C1QTNF3: variants seen among roughly 807,000 people sequenced by gnomAD.
C1QTNF3 encodes the protein C1q and TNF related 3, also known as complement C1q tumor necrosis factor-related protein 3.
A neutral mutation model predicts 32.6 loss-of-function variants in C1QTNF3; 26 were observed. That is an observed-to-expected ratio of 0.80 (90% CI 0.58 to 1.11). The LOEUF is 1.11. C1QTNF3 is among the 50% of genes least tolerant of loss of function. The pLI is 0.00. For missense variants in C1QTNF3, 362 were observed against 398.2 expected, an observed-to-expected ratio of 0.91 and a Z score of 0.77; for synonymous variants, 155 against 146.0, an observed-to-expected ratio of 1.06 and a Z score of -0.44.
In C1QTNF3 at chr5:34,043,095, G is replaced by A. The variant is rs772829497; in HGVS notation, c.31C>T (p.Leu11=). The A allele has an allele frequency of 1.2e-6, 2 of 1,613,472 alleles. No homozygotes were observed. The highest frequency in any genetic ancestry group is 8.5e-7 in the Non-Finnish European group (1 of 1,179,996). The part of the protein sequence containing the change: MLWRQLIYWQ[L]LALFFLPFCL... ...AAAGGGAGGAAAAACAAAGCCAGCA[G>A]TTGCCAATAGATGAGCTGCCTCCAA... Residue 11 remains leucine (L), a synonymous_variant, in exon 1 of 6, where the codon CTG becomes TTG. Coordinates refer to ENST00000382065, the MANE Select transcript of C1QTNF3 (RefSeq NM_181435.6).
At chr5:34,083,941 A>G in the C1QTNF3 span, among the ~76,000 whole-genome samples, 1 of 151,834 alleles carries the variant, frequency 6.6e-6, no homozygotes, top group Non-Finnish European at 1.5e-5. Context: ...AATACTTATA[A>G]ATCGGTTTCA....
the C1QTNF3 span, among the ~76,000 whole-genome samples, chr5:34,058,519 G>A: frequency 2.0e-5 from 3 of 152,198 alleles, no homozygotes; most frequent in African/African-American, 7.2e-5. Context: ...CCAGAGAAAT[G>A]TCATTCTCCT....
chr5:34,176,406 TA>T, the C1QTNF3 span, among the ~76,000 whole-genome samples: 86 of 94,372 alleles, frequency 9.1e-4, no homozygotes, highest in African/African-American at 1.8e-3. Flanking sequence ...CGTATAATAA[TA>T]AAAAAAAAAT....
At chr5:34,118,121 C>A in the C1QTNF3 span, among the ~76,000 whole-genome samples, 1 of 151,984 alleles carries the variant, frequency 6.6e-6, no homozygotes. Flanking sequence ...ACTCTGTTGC[C>A]CAGGCTGGAG....
chr5:34,135,104 G>A, the C1QTNF3 span, among the ~76,000 whole-genome samples: 1 of 152,228 alleles, frequency 6.6e-6, no homozygotes, highest in Non-Finnish European at 1.5e-5. Context: ...CAATAACCTA[G>A]TTTATTGAAC....
the C1QTNF3 span, among the ~76,000 whole-genome samples, chr5:34,240,102 C>T: frequency 6.6e-6 from 1 of 150,644 alleles, no homozygotes; most frequent in African/African-American, 2.4e-5. Context: ...AATGGGAACA[C>T]AAATTACCAA....
chr5:34,177,525 C>T, the C1QTNF3 span, among the ~76,000 whole-genome samples: 6 of 125,548 alleles, frequency 4.8e-5, no homozygotes, highest in African/African-American at 1.6e-4. Context: ...CTTGCTCTGT[C>T]GCCCAGGCTG....
intron 2 of C1QTNF3, 34 bp from the exon 3 acceptor site, chr5:34,033,492 C>CCAGTCACT: frequency 6.2e-7 from 1 of 1,613,762 alleles, no homozygotes; most frequent in Non-Finnish European, 8.5e-7. Context: ...ATGAGAAAAC[C>CCAGTCACT]CAGTCACTCA....
chr5:34,198,259 T>TAA, the C1QTNF3 span, among the ~76,000 whole-genome samples: 1 of 130,758 alleles, frequency 7.6e-6, no homozygotes, highest in African/African-American at 3.9e-5. Context: ...AATAAATAAA[T>TAA]AAATAAAAAT....
the C1QTNF3 span, among the ~76,000 whole-genome samples, chr5:34,136,527 T>C: frequency 2.0e-4 from 30 of 152,330 alleles, no homozygotes; most frequent in East Asian, 5.8e-3. Context: ...TGTGGAGAAA[T>C]AGGAACAATT....
At chr5:34,040,422 G>A (rs1173647459) in intron 1 of C1QTNF3, among the ~76,000 whole-genome samples, 1 of 152,056 alleles carries the variant, frequency 6.6e-6, no homozygotes, top group Non-Finnish European at 1.5e-5. Context: ...GAAAGAAGAG[G>A]AAGGGAAGTG....
the C1QTNF3 span, among the ~76,000 whole-genome samples, chr5:34,177,482 T>TA: frequency 7.5e-6 from 1 of 133,854 alleles, no homozygotes; most frequent in Non-Finnish European, 1.6e-5. Flanking sequence ...ATACCCAACT[T>TA]TTTTTTTTTT....
chr5:34,244,640 T>C, the C1QTNF3 span: 4 of 151,992 alleles, frequency 2.6e-5, no homozygotes, highest in East Asian at 1.9e-4. Flanking sequence ...AGCATGCTGA[T>C]TGGTGCATTT....
chr5:34,202,586 T>C, the C1QTNF3 span, among the ~76,000 whole-genome samples: 1 of 151,096 alleles, frequency 6.6e-6, no homozygotes. Context: ...CTTAGGCAAA[T>C]GGTTGGGTCA....
At chr5:34,132,098 T>C in the C1QTNF3 span, among the ~76,000 whole-genome samples, 1 of 152,080 alleles carries the variant, frequency 6.6e-6, no homozygotes, top group Admixed American at 6.6e-5. Context: ...TTAAGAATAG[T>C]GTAGCTGGCT....
the C1QTNF3 span, among the ~76,000 whole-genome samples, chr5:34,065,285 A>G: frequency 6.6e-6 from 1 of 152,202 alleles, no homozygotes; most frequent in African/African-American, 2.4e-5. Context: ...ACAAACATGA[A>G]AAAATGCTCA....
At chr5:34,219,227 T>C in the C1QTNF3 span, among the ~76,000 whole-genome samples, 1 of 152,030 alleles carries the variant, frequency 6.6e-6, no homozygotes, top group African/African-American at 2.4e-5. Context: ...AAAGTAGTAA[T>C]TACATGAGTG....
the C1QTNF3 span, among the ~76,000 whole-genome samples, chr5:34,056,420 ATGTGTGTGTGTGTG>A: frequency 5.0e-3 from 194 of 38,590 alleles, no homozygotes; most frequent in Non-Finnish European, 7.4e-3. Context: ...ATGTATATGT[ATGTGTGTGTGTGTG>A]TGTGTGTGTG....
the C1QTNF3 span, among the ~76,000 whole-genome samples, chr5:34,128,536 C>T: frequency 6.6e-6 from 1 of 152,238 alleles, no homozygotes; most frequent in African/African-American, 2.4e-5. Context: ...GGGGCTGTAT[C>T]TTGCAGAGAC....
Sources: gnomAD v4.1 joint callset for allele counts (sites outside exome capture counted in the v4.1 genomes callset) on GRCh38, gnomAD v4.1.1 for gene constraint, MANE v1.5 for transcripts, NCBI Gene and HGNC (gene_info 2026-07-23, HGNC 2026-07-21) for gene names.